NOX4: variants seen among roughly 807,000 people sequenced by gnomAD.
The protein encoded by NOX4 is kidney oxidase-1.
A neutral mutation model predicts 87.6 loss-of-function variants in NOX4; 69 were observed. The ratio of observed to expected loss-of-function variants is 0.79; its 90% CI spans 0.65 to 0.96. The LOEUF (loss-of-function observed/expected upper bound fraction) is 0.96. NOX4 is among the 40% of genes least tolerant of loss of function. The pLI is 0.00. For synonymous variants in NOX4, 275 were observed against 238.2 expected, an observed-to-expected ratio of 1.15 and a Z score of -1.42; for missense variants, 680 against 681.5, an observed-to-expected ratio of 1.00 and a Z score of 0.02.
chr11:89,416,999 C>G lies in NOX4; in HGVS notation c.629+4903G>C, dbSNP rs544214934. On this transcript the variant is annotated intron_variant, in intron 8 of 17. Transcript: ENST00000263317. ...TTGTCATCCAAACATTTGAGGAGGA[C>G]CTTCCCCTCTATCATTTCCAGAATT... 1.7e-4 allele frequency among the ~76,000 whole-genome samples: 26 copies of G among 152,202 alleles called. No individual in the cohort carries two copies. In the South Asian group the frequency reaches 2.5e-3, roughly 15 times the overall value.
chr11:89,357,432 C>G (rs568119449), intron 12 of NOX4, among the ~76,000 whole-genome samples: 71 of 152,198 alleles, frequency 4.7e-4, no homozygotes, highest in Non-Finnish European at 7.8e-4. Context: ...ACAAAATTAA[C>G]ATTTCTTTCA....
the NOX4 span, among the ~76,000 whole-genome samples, chr11:89,572,140 C>A: frequency 3.3e-5 from 5 of 152,220 alleles, no homozygotes; most frequent in Non-Finnish European, 7.3e-5. Flanking sequence ...CACTTGAACC[C>A]TGACCACCTT....
At chr11:89,462,770 G>A (rs774239823) in intron 2 of NOX4, among the ~76,000 whole-genome samples, 1 of 151,676 alleles carries the variant, frequency 6.6e-6, no homozygotes, top group African/African-American at 2.4e-5. Context: ...TTAATCTTTT[G>A]GACATTAGCG....
chr11:89,469,216 A>G (rs1945827642), intron 2 of NOX4, among the ~76,000 whole-genome samples: 2 of 152,196 alleles, frequency 1.3e-5, no homozygotes, highest in Admixed American at 1.3e-4. Flanking sequence ...AAGGGAACAT[A>G]AGATGATATT....
At chr11:89,520,677 T>G in the NOX4 span, among the ~76,000 whole-genome samples, 1 of 152,054 alleles carries the variant, frequency 6.6e-6, no homozygotes, top group Non-Finnish European at 1.5e-5. Context: ...CTGTTCAACA[T>G]AGGACGGAAG....
At chr11:89,465,488 T>C (rs1020693553) in intron 2 of NOX4, among the ~76,000 whole-genome samples, 6 of 152,222 alleles carry the variant, frequency 3.9e-5, no homozygotes, top group African/African-American at 1.4e-4. Flanking sequence ...ACCCTTTGGG[T>C]ATATGCCTAG....
the NOX4 span, among the ~76,000 whole-genome samples, chr11:89,556,455 A>AG: frequency 6.8e-6 from 1 of 147,876 alleles, no homozygotes; most frequent in East Asian, 2.2e-4. Flanking sequence ...CCTGGGAGGC[A>AG]GAGATTGCAG....
At chr11:89,427,645 A>C (rs919423993) in intron 7 of NOX4, among the ~76,000 whole-genome samples, 5 of 152,178 alleles carry the variant, frequency 3.3e-5, no homozygotes, top group African/African-American at 9.6e-5. Context: ...AAATGAATGA[A>C]ATGAAGTGAG....
chr11:89,546,094 A>G, the NOX4 span, among the ~76,000 whole-genome samples: 1 of 152,164 alleles, frequency 6.6e-6, no homozygotes, highest in Admixed American at 6.5e-5. Context: ...TAACCTACTG[A>G]AAATTTCTTT....
chr11:89,490,456 AC>A lies in NOX4; in HGVS notation c.153+1del. 6.2e-7 allele frequency: 1 copy of A among 1,603,638 alleles called. No individual in the cohort carries two copies. The highest frequency in any genetic ancestry group is 8.5e-7 in the Non-Finnish European group (1 of 1,170,546). On this transcript the variant is annotated splice_donor_variant, in intron 2 of 17. Transcript: ENST00000263317. LOFTEE classifies it high-confidence loss of function. ...CAGATTATCCAAGTTCACCTTACTTACCCCCAACATCTGGTGGAGGTAGTGA... is the reference window on the plus strand; with the variant it reads ...CAGATTATCCAAGTTCACCTTACTTACCCCAACATCTGGTGGAGGTAGTGA...
the NOX4 span, among the ~76,000 whole-genome samples, chr11:89,580,763 G>T: frequency 6.6e-6 from 1 of 152,160 alleles, no homozygotes; most frequent in Non-Finnish European, 1.5e-5. Flanking sequence ...CCAAGATATG[G>T]TTCCTGCACA....
At chr11:89,452,454 C>A (rs926793337) in intron 2 of NOX4, among the ~76,000 whole-genome samples, 2 of 152,130 alleles carry the variant, frequency 1.3e-5, no homozygotes, top group Non-Finnish European at 2.9e-5. Context: ...CTTCCCTGAT[C>A]GGAAACTAGG....
At chr11:89,422,329 T>C (rs1943125313) in intron 7 of NOX4, among the ~76,000 whole-genome samples, 1 of 152,132 alleles carries the variant, frequency 6.6e-6, no homozygotes, top group Non-Finnish European at 1.5e-5. Flanking sequence ...ATATTCTCAG[T>C]TTTCAAATAA....
intron 7 of NOX4, among the ~76,000 whole-genome samples, chr11:89,429,887 C>A (rs191701208): frequency 2.2e-4 from 34 of 152,254 alleles, no homozygotes; most frequent in Admixed American, 5.9e-4. Context: ...CAAAGCCTGG[C>A]AGAGACACAA....
intron 4 of NOX4, among the ~76,000 whole-genome samples, chr11:89,445,959 A>C (rs1398973469): frequency 1.3e-5 from 2 of 152,248 alleles, no homozygotes; most frequent in East Asian, 3.9e-4. Flanking sequence ...CATTTGCAAA[A>C]GACATATCGA....
At chr11:89,331,226 T>A (rs193008523) in intron 17 of NOX4, among the ~76,000 whole-genome samples, 6 of 151,978 alleles carry the variant, frequency 3.9e-5, no homozygotes, top group African/African-American at 1.4e-4. Context: ...TTAGACAACA[T>A]TTTAAAATAA....
chr11:89,349,309 A>AAATAT, intron 13 of NOX4, among the ~76,000 whole-genome samples: 1 of 151,766 alleles, frequency 6.6e-6, no homozygotes, highest in South Asian at 2.1e-4. Flanking sequence ...AAATAAAATA[A>AAATAT]AATAAAATAA....
At chr11:89,567,767 G>A in the NOX4 span, among the ~76,000 whole-genome samples, 1 of 152,152 alleles carries the variant, frequency 6.6e-6, no homozygotes, top group African/African-American at 2.4e-5. Context: ...TGGGGACACA[G>A]CCAAAACATA....
chr11:89,400,706 A>G (rs990373305), intron 9 of NOX4, among the ~76,000 whole-genome samples: 2 of 151,928 alleles, frequency 1.3e-5, no homozygotes, highest in Admixed American at 6.6e-5. Flanking sequence ...ATATTTAATA[A>G]AAGAATAAAG....
Sources: gnomAD v4.1 joint callset for allele counts (sites outside exome capture counted in the v4.1 genomes callset) on GRCh38, gnomAD v4.1.1 for gene constraint, MANE v1.5 for transcripts, NCBI Gene and HGNC (gene_info 2026-07-23, HGNC 2026-07-21) for gene names.